The following PRDM2 variants were observed in gnomAD, a reference collection of about 807,000 sequenced individuals.
PRDM2 encodes PR/SET domain 2.
PRDM2 carries 30 observed loss-of-function variants against 130.0 expected under a neutral mutation model. That is an observed-to-expected ratio of 0.23 (90% CI 0.17 to 0.31). The LOEUF (loss-of-function observed/expected upper bound fraction) is 0.31, where lower values mean the gene tolerates loss of function less well. PRDM2 is among the 10% of genes least tolerant of loss of function. The pLI is 1.00. For missense variants in PRDM2, 2,011 were observed against 2,108.4 expected (o/e 0.95, Z 0.90); for synonymous variants, 871 against 782.4 (o/e 1.11, Z -1.89).
chr1:13,789,450 G>T (rs1050411116), intron 8 of PRDM2, among the ~76,000 whole-genome samples: 2 of 152,162 alleles, frequency 1.3e-5, no homozygotes, highest in Admixed American at 1.3e-4. Flanking sequence ...CTTCCGTGGG[G>T]CTTGTATTTT....
At chr1:13,711,084 C>CAA (rs55784865) in intron 1 of PRDM2, among the ~76,000 whole-genome samples, 2 of 138,134 alleles carry the variant, frequency 1.4e-5, no homozygotes, top group African/African-American at 5.3e-5. Flanking sequence ...GGCTCTGTCT[C>CAA]AAAAAAAAAA....
Position 13,779,646 on chromosome 1 carries a change from GGTCCCT to G in PRDM2, c.1854_1859del (p.Pro619_Val620del), listed in dbSNP as rs1296569047. 1 of 1,614,022 alleles carries G rather than the reference GGTCCCT, an allele frequency of 6.2e-7. No individual in the cohort carries two copies. The highest frequency in any genetic ancestry group is 1.7e-5 in the Admixed American group (1 of 60,004). On this transcript the variant is annotated inframe_deletion, in exon 8 of 10. Coordinates refer to ENST00000311066, the MANE Select transcript of PRDM2 (RefSeq NM_001393986.1). The surrounding 1 kb of genome is among the most constrained non-coding windows in gnomAD (Gnocchi z 4.9). Reference sequence around the variant, plus strand: ...TTACTCAAAATATAAAGACCACACAGGTCCCTGTAACAGAAGATCTTCCTAAAGAGC... The same window carrying G: ...TTACTCAAAATATAAAGACCACACAGGTAACAGAAGATCTTCCTAAAGAGC...
rs1557597070 is a variant in PRDM2 at position 13,717,707 on chromosome 1, A to G, written c.9+2093A>G. 6.0e-5 allele frequency among the ~76,000 whole-genome samples: 9 copies of G among 150,154 alleles called. No individual in the cohort carries two copies. The South Asian group carries it at 1.7e-3, about 28-fold the overall frequency. ...TTTTTTTTTTTTTGGCTCTTTTATA[A>G]TTTCGTTTTGCTTTTGACAAGTTTT... On this transcript the variant is annotated intron_variant, in intron 2 of 9. Transcript: ENST00000311066.
At chr1:13,718,948 T>C (rs1352951210) in intron 2 of PRDM2, among the ~76,000 whole-genome samples, 1 of 152,160 alleles carries the variant, frequency 6.6e-6, no homozygotes, top group African/African-American at 2.4e-5. Context: ...ATTCATTCCT[T>C]CCCTCATTCA....
intron 8 of PRDM2, among the ~76,000 whole-genome samples, chr1:13,810,148 G>A (rs932897188): frequency 1.2e-4 from 7 of 56,338 alleles, no homozygotes; most frequent in Non-Finnish European, 2.5e-4. Context: ...GGACACAAAG[G>A]TTCCATCTAT....
At chr1:13,808,630 G>A (rs143044437) in intron 8 of PRDM2, among the ~76,000 whole-genome samples, 23 of 152,160 alleles carry the variant, frequency 1.5e-4, no homozygotes, top group African/African-American at 5.3e-4. Flanking sequence ...CAGATTTCTT[G>A]GTGTCTGAGA....
intron 6 of PRDM2, among the ~76,000 whole-genome samples, chr1:13,764,941 C>G (rs1055522381): frequency 6.6e-6 from 1 of 152,192 alleles, no homozygotes; most frequent in Admixed American, 6.5e-5. Context: ...GAATTTTTTA[C>G]TGTCAGATAA....
chr1:13,711,946 A>G (rs1642382195), intron 1 of PRDM2, among the ~76,000 whole-genome samples: 1 of 152,108 alleles, frequency 6.6e-6, no homozygotes, highest in South Asian at 2.1e-4. Context: ...CAGGTAGTGT[A>G]GAAAGAGAAG....
At chr1:13,719,812 G>C (rs1402823031) in intron 2 of PRDM2, among the ~76,000 whole-genome samples, 1 of 151,894 alleles carries the variant, frequency 6.6e-6, no homozygotes, top group African/African-American at 2.4e-5. Context: ...GTTTGTTCCA[G>C]CATAGTAGCT....
intron 8 of PRDM2, among the ~76,000 whole-genome samples, chr1:13,800,577 A>C (rs1644991080): frequency 6.6e-6 from 1 of 152,176 alleles, no homozygotes; most frequent in African/African-American, 2.4e-5. Flanking sequence ...GGAACAGAGA[A>C]GGGCTGCCAG....
chr1:13,775,056 G>C (rs1029105613), intron 7 of PRDM2, among the ~76,000 whole-genome samples: 4 of 152,136 alleles, frequency 2.6e-5, no homozygotes, highest in African/African-American at 9.7e-5. Flanking sequence ...GGCTTCCGCT[G>C]AATGTTCTGC....
chr1:13,776,413 G>A (rs114157993), intron 7 of PRDM2, among the ~76,000 whole-genome samples: 1,645 of 152,242 alleles, frequency 0.011, 14 homozygotes, highest in Non-Finnish European at 0.018. Flanking sequence ...GGACTGTCGC[G>A]ACAGCAGCAT....
At chr1:13,753,641 A>T (rs1028837696) in intron 6 of PRDM2, among the ~76,000 whole-genome samples, 5 of 152,322 alleles carry the variant, frequency 3.3e-5, no homozygotes, top group African/African-American at 7.2e-5. Flanking sequence ...AGTCTAAAAA[A>T]AGTGCAACAC....
rs1470614321 is a variant in PRDM2 at position 13,779,631 on chromosome 1, T to C, written c.1836T>C (p.Asn612=). ...LTPVTVEITQ[N]IKTTQVPVTE... ...CAGTTACAGTGGAAATTACTCAAAA[T>C]ATAAAGACCACACAGGTCCCTGTAA... The change falls in exon 8 of 10, where the codon AAT becomes AAC. Residue 612 remains asparagine (N), a synonymous_variant. Coordinates refer to ENST00000311066, the MANE Select transcript of PRDM2 (RefSeq NM_001393986.1). The surrounding 1 kb of genome is among the most constrained non-coding windows in gnomAD (Gnocchi z 4.9). The C allele has an allele frequency of 1.2e-6, 2 of 1,613,998 alleles. No homozygotes were observed. Among genetic ancestry groups the C allele is most frequent in the Admixed American group, 3.3e-5 (2 of 59,994 alleles).
At chr1:13,726,705 T>G (rs75227494) in intron 2 of PRDM2, among the ~76,000 whole-genome samples, 15,024 of 152,236 alleles carry the variant, frequency 0.099, 942 homozygotes, top group Admixed American at 0.22. Context: ...TTAAATTTAA[T>G]ACATACTGTT....
At chr1:13,788,020 AGAG>A in intron 8 of PRDM2, 4 of 982,734 alleles carry the variant, frequency 4.1e-6, no homozygotes, top group Non-Finnish European at 4.8e-6. Flanking sequence ...CTTAATAACT[AGAG>A]GAGAATTTAA....
At chr1:13,813,371 C>T (rs1000839696) in intron 8 of PRDM2, among the ~76,000 whole-genome samples, 1 of 152,138 alleles carries the variant, frequency 6.6e-6, no homozygotes, top group South Asian at 2.1e-4. Context: ...ACTGTGCTCT[C>T]ATGAGTTCTT....
At chr1:13,792,031 G>A (rs1208334655) in intron 8 of PRDM2, among the ~76,000 whole-genome samples, 1 of 152,196 alleles carries the variant, frequency 6.6e-6, no homozygotes, top group African/African-American at 2.4e-5. Context: ...CCCTTTCATA[G>A]GTGCCACCTG....
At chr1:13,775,487 CT>C (rs1050988436) in intron 7 of PRDM2, among the ~76,000 whole-genome samples, 1 of 152,164 alleles carries the variant, frequency 6.6e-6, no homozygotes, top group Non-Finnish European at 1.5e-5. Context: ...TGGTTTCCCA[CT>C]TTGTGGAAAG....
Sources: allele counts gnomAD v4.1 joint callset (sites outside exome capture counted in the v4.1 genomes callset), GRCh38; gene constraint gnomAD v4.1.1; non-coding constraint Gnocchi (gnomAD v3.1); transcripts MANE v1.5; gene names NCBI Gene and HGNC (gene_info 2026-07-23, HGNC 2026-07-21).